The following SLIT3 variants were observed in gnomAD, a reference collection of about 807,000 sequenced individuals.
SLIT3 encodes the protein slit homolog 3 protein.
A neutral mutation model predicts 184.0 loss-of-function variants in SLIT3; 68 were observed. That is an observed-to-expected ratio of 0.37 (90% CI 0.30 to 0.45). The LOEUF is 0.45. SLIT3 is among the 20% of genes least tolerant of loss of function. The pLI, the probability that SLIT3 is intolerant of heterozygous loss-of-function variation, is 1.00. For synonymous variants in SLIT3, 831 were observed against 828.6 expected (o/e 1.00, Z -0.05); for missense variants, 1,707 against 2,026.0 (o/e 0.84, Z 3.02).
intron 4 of SLIT3, among the ~76,000 whole-genome samples, chr5:168,909,833 C>T (rs1056214595): frequency 1.3e-5 from 2 of 152,206 alleles, no homozygotes; most frequent in Non-Finnish European, 2.9e-5. Flanking sequence ...GTCCTTTGAG[C>T]CAAGATCTCC....
intron 1 of SLIT3, among the ~76,000 whole-genome samples, chr5:169,284,819 T>C (rs1767102282): frequency 6.6e-6 from 1 of 152,262 alleles, no homozygotes. Flanking sequence ...TATCCTTAGT[T>C]CTTACAACAA....
At chr5:168,797,316 G>A in intron 9 of SLIT3, among the ~76,000 whole-genome samples, 1 of 152,232 alleles carries the variant, frequency 6.6e-6, no homozygotes, top group East Asian at 1.9e-4. Flanking sequence ...CTGCCAGTCA[G>A]GTGGTGCGTG....
At chr5:168,729,264 T>C (rs1763224912) in intron 20 of SLIT3, among the ~76,000 whole-genome samples, 1 of 152,066 alleles carries the variant, frequency 6.6e-6, no homozygotes, top group Non-Finnish European at 1.5e-5. Flanking sequence ...GTCAAGAGAG[T>C]TAGACATCCA....
chr5:168,802,960 C>A (rs1399128034), intron 9 of SLIT3, among the ~76,000 whole-genome samples: 5 of 152,208 alleles, frequency 3.3e-5, no homozygotes, highest in African/African-American at 1.2e-4. Context: ...CAAGGCAGAG[C>A]CAAAGCTGGA....
intron 5 of SLIT3, among the ~76,000 whole-genome samples, chr5:168,867,130 C>T (rs73805266): frequency 0.049 from 7,432 of 152,254 alleles, 598 homozygotes; most frequent in African/African-American, 0.17. Context: ...GCTCAGGAAC[C>T]TGCATTCTAA....
intron 12 of SLIT3, among the ~76,000 whole-genome samples, chr5:168,785,148 C>T (rs1439368129): frequency 7.2e-5 from 11 of 152,180 alleles, no homozygotes; most frequent in Admixed American, 2.0e-4. Flanking sequence ...CACACACACA[C>T]ACACACACTC....
At position 168,817,171 on chromosome 5, in the gene SLIT3, C is replaced by T. The variant is rs551626471; in HGVS notation, c.793+129G>A. 3.6e-5 allele frequency: 28 copies of T among 774,024 alleles called. 1 individual carries two copies. The highest frequency in any genetic ancestry group is 9.0e-5 in the Admixed American group (4 of 44,430). The allele number at this position is 774,024 out of a possible 1,614,324, so 47.9% of individuals were successfully genotyped here. ...TTAAGTGACTACTGAGTACTGAGGA[C>T]GACCTATGGGGTTCCTTCCACACCA... On this transcript the variant is annotated intron_variant, in intron 8 of 35. Transcript: ENST00000519560.
intron 4 of SLIT3, chr5:169,022,144 G>A (rs1409331912): frequency 6.6e-6 from 1 of 152,252 alleles, no homozygotes; most frequent in Non-Finnish European, 1.5e-5. Context: ...AGCATTCAAG[G>A]AGGAATGGCT....
intron 12 of SLIT3, among the ~76,000 whole-genome samples, chr5:168,780,501 C>G (rs1467053173): frequency 2.6e-5 from 4 of 152,250 alleles, no homozygotes; most frequent in Admixed American, 6.5e-5. Context: ...AACCCTTTCT[C>G]TAGCTCCTTT....
At chr5:168,756,761 T>A (rs1267436643) in intron 16 of SLIT3, among the ~76,000 whole-genome samples, 1 of 152,112 alleles carries the variant, frequency 6.6e-6, no homozygotes, top group Non-Finnish European at 1.5e-5. Context: ...AAGAGAAGGC[T>A]TTTGCTCCAG....
chr5:168,740,914 G>A (rs1763610025), intron 20 of SLIT3, among the ~76,000 whole-genome samples: 1 of 152,158 alleles, frequency 6.6e-6, no homozygotes. Flanking sequence ...CACTCAATTG[G>A]CCCAGGAAGG....
At chr5:168,687,428 G>C (rs1486928160) in intron 29 of SLIT3, among the ~76,000 whole-genome samples, 2 of 152,220 alleles carry the variant, frequency 1.3e-5, no homozygotes, top group Admixed American at 6.5e-5. Context: ...CTTTGGGTCA[G>C]GCACTGTGCT....
At chr5:168,920,518 G>C (rs1761601101) in intron 4 of SLIT3, among the ~76,000 whole-genome samples, 1 of 152,128 alleles carries the variant, frequency 6.6e-6, no homozygotes, top group African/African-American at 2.4e-5. Context: ...CATCACGGCG[G>C]CACGGAAGGA....
intron 9 of SLIT3, among the ~76,000 whole-genome samples, chr5:168,796,829 A>G (rs1463220739): frequency 1.3e-5 from 2 of 152,088 alleles, no homozygotes; most frequent in African/African-American, 4.8e-5. Flanking sequence ...CAATTTTCCC[A>G]TTTCAAACAA....
chr5:168,881,849 C>T (rs1489120467), intron 5 of SLIT3, among the ~76,000 whole-genome samples: 1 of 152,216 alleles, frequency 6.6e-6, no homozygotes, highest in South Asian at 2.1e-4. Context: ...TACACCTGTC[C>T]TGCAAAGGAG....
At chr5:169,233,619 G>T (rs375182422) in intron 3 of SLIT3, among the ~76,000 whole-genome samples, 1 of 152,112 alleles carries the variant, frequency 6.6e-6, no homozygotes, top group Non-Finnish European at 1.5e-5. Flanking sequence ...TGCACATACC[G>T]CACACGTACC....
At chr5:168,910,390 G>T (rs1327592097) in intron 4 of SLIT3, among the ~76,000 whole-genome samples, 1 of 152,140 alleles carries the variant, frequency 6.6e-6, no homozygotes, top group Non-Finnish European at 1.5e-5. Context: ...ACATGCATCT[G>T]TATATTTACA....
chr5:169,281,163 T>TTCTA (rs1766979440), intron 1 of SLIT3, among the ~76,000 whole-genome samples: 1 of 152,156 alleles, frequency 6.6e-6, no homozygotes, highest in Non-Finnish European at 1.5e-5. Context: ...GAAATAGATT[T>TTCTA]GTATATGTAT....
intron 4 of SLIT3, among the ~76,000 whole-genome samples, chr5:169,112,736 A>G (rs1169939896): frequency 6.6e-6 from 1 of 152,110 alleles, no homozygotes; most frequent in Non-Finnish European, 1.5e-5. Context: ...ACCCAATGGG[A>G]GTCATGAGCA....
Sources: allele counts gnomAD v4.1 joint callset (sites outside exome capture counted in the v4.1 genomes callset), GRCh38; gene constraint gnomAD v4.1.1; transcripts MANE v1.5; gene names NCBI Gene and HGNC (gene_info 2026-07-23, HGNC 2026-07-21).